The following STXBP6 variants were observed in gnomAD, a reference collection of about 807,000 sequenced individuals.
STXBP6 encodes syntaxin binding protein 6, also known as syntaxin-binding protein 6.
STXBP6 carries 21 observed loss-of-function variants against 26.9 expected under a neutral mutation model. The ratio of observed to expected loss-of-function variants is 0.78; its 90% CI spans 0.55 to 1.12. The LOEUF is 1.12. STXBP6 is among the 50% of genes most tolerant of loss of function. STXBP6 has a pLI of 0.00. For missense variants in STXBP6, 232 were observed against 257.9 expected (o/e 0.90, Z 0.69); for synonymous variants, 97 against 92.6 (o/e 1.05, Z -0.27).
chr14:25,013,502 A>ACACC (rs993601171), intron 1 of STXBP6, among the ~76,000 whole-genome samples: 22 of 149,924 alleles, frequency 1.5e-4, no homozygotes, highest in African/African-American at 3.0e-4. Context: ...ACACACACAC[A>ACACC]CCCCTAAAGG....
intron 2 of STXBP6, among the ~76,000 whole-genome samples, chr14:24,955,688 G>A (rs540061798): frequency 6.6e-6 from 1 of 152,180 alleles, no homozygotes; most frequent in South Asian, 2.1e-4. Flanking sequence ...AGGGTATCTC[G>A]GTTGGCTAGG....
chr14:25,010,399 A>T (rs1212915536), intron 1 of STXBP6: 1 of 152,268 alleles, frequency 6.6e-6, no homozygotes, highest in Non-Finnish European at 1.5e-5. Context: ...TTCAATAAAC[A>T]AAACCTGAAT....
chr14:24,983,205 T>A (rs962391556), intron 1 of STXBP6, among the ~76,000 whole-genome samples: 1 of 152,130 alleles, frequency 6.6e-6, no homozygotes, highest in African/African-American at 2.4e-5. Flanking sequence ...TTGAACCACA[T>A]CAAAAGAGGA....
At chr14:24,891,503 A>G (rs1196773124) in intron 2 of STXBP6, among the ~76,000 whole-genome samples, 1 of 152,122 alleles carries the variant, frequency 6.6e-6, no homozygotes, top group Admixed American at 6.6e-5. Flanking sequence ...CCTGTTCCCC[A>G]TCCTGTAAAG....
chr14:24,960,425 C>T (rs1012383332), intron 2 of STXBP6, among the ~76,000 whole-genome samples: 2 of 152,140 alleles, frequency 1.3e-5, no homozygotes, highest in Admixed American at 6.5e-5. Flanking sequence ...TTTTAAATTA[C>T]ATACATGAAC....
chr14:24,855,513 T>C (rs1035508349), intron 4 of STXBP6, among the ~76,000 whole-genome samples: 1 of 152,074 alleles, frequency 6.6e-6, no homozygotes, highest in Admixed American at 6.6e-5. Flanking sequence ...AGGGGAAGCA[T>C]CTGTTGGAAT....
In STXBP6 at chr14:24,930,697, G is replaced by T. The variant is rs189440874; in HGVS notation, c.154+43968C>A. ...AAGTCTGTGTCTGGGTAATAGGAGA[G>T]ACTTTGGTTCTTTTATAAGAAAATC... On this transcript the variant is annotated intron_variant, in intron 2 of 5. Coordinates refer to ENST00000323944, the MANE Select transcript of STXBP6 (RefSeq NM_001394410.1). 2.5e-3 allele frequency among the ~76,000 whole-genome samples: 384 copies of T among 152,266 alleles called. 1 individual carries two copies. The highest frequency in any genetic ancestry group is 2.4e-3 in the Non-Finnish European group (162 of 68,028).
chr14:24,853,392 A>G (rs1185185472), intron 4 of STXBP6, among the ~76,000 whole-genome samples: 3 of 152,158 alleles, frequency 2.0e-5, no homozygotes, highest in African/African-American at 7.2e-5. Context: ...TGCTGCATTC[A>G]CTAAGGTTAT....
Position 24,986,113 on chromosome 14 carries a change from A to C in STXBP6, c.-32-11263T>G, listed in dbSNP as rs762445921. Among the ~76,000 whole-genome samples the C allele has an allele frequency of 1.4e-3, 220 of 152,324 alleles. 1 individual carries two copies. Among genetic ancestry groups the C allele is most frequent in the Non-Finnish European group, 2.2e-3 (149 of 68,024 alleles). ...AGAAAGAGAAAACATGATTAATCAC[A>C]GTGGGGACTCTTCTCAGATTAAATT... On this transcript the variant is annotated intron_variant, in intron 1 of 5. Coordinates refer to ENST00000323944, the MANE Select transcript of STXBP6 (RefSeq NM_001394410.1).
At chr14:24,947,600 T>C (rs1340677540) in intron 2 of STXBP6, among the ~76,000 whole-genome samples, 2 of 152,216 alleles carry the variant, frequency 1.3e-5, no homozygotes, top group African/African-American at 4.8e-5. Context: ...ACACAACTTC[T>C]ATGCTTAGAC....
At chr14:24,960,614 C>T (rs772334254) in intron 2 of STXBP6, among the ~76,000 whole-genome samples, 2 of 152,112 alleles carry the variant, frequency 1.3e-5, no homozygotes, top group African/African-American at 4.8e-5. Flanking sequence ...AGAACACTCC[C>T]GATGGGCACG....
intron 1 of STXBP6, among the ~76,000 whole-genome samples, chr14:24,992,854 A>G (rs549291355): frequency 6.6e-6 from 1 of 152,218 alleles, no homozygotes; most frequent in African/African-American, 2.4e-5. Flanking sequence ...TGATAACAGA[A>G]GCACAAACAA....
chr14:24,828,822 A>G (rs2068367176), intron 4 of STXBP6, among the ~76,000 whole-genome samples: 1 of 152,234 alleles, frequency 6.6e-6, no homozygotes, highest in Non-Finnish European at 1.5e-5. Flanking sequence ...TGTTCACAAT[A>G]ATGCTAATAT....
chr14:24,976,637 T>C (rs1046952820), intron 1 of STXBP6, among the ~76,000 whole-genome samples: 1 of 152,124 alleles, frequency 6.6e-6, no homozygotes, highest in Non-Finnish European at 1.5e-5. Flanking sequence ...ATTTACCCCA[T>C]GACTTTCCTA....
rs2067767187 is a variant in STXBP6 at position 24,809,693 on chromosome 14, G to T, written c.*3016C>A. 2.0e-5 allele frequency: 3 copies of T among 152,124 alleles called. No homozygotes were observed. Among genetic ancestry groups the T allele is most frequent in the Admixed American group, 2.0e-4 (3 of 15,274 alleles). 9.4% of individuals were successfully genotyped at this position (152,124 alleles called of 1,614,324 possible). A position where few individuals can be genotyped will look rare whatever the true frequency, so the allele number is the denominator to read the frequency against. On this transcript the variant is annotated 3_prime_UTR_variant, in exon 6 of 6. Coordinates refer to ENST00000323944, the MANE Select transcript of STXBP6 (RefSeq NM_001394410.1). Reference sequence around the variant, plus strand: ...TAAAATATTTAATGACAAAATTAGGGTTTGTTGTAATAGTGAATCAATAGA... The same window carrying T: ...TAAAATATTTAATGACAAAATTAGGTTTTGTTGTAATAGTGAATCAATAGA...
At chr14:24,846,850 T>G (rs2068981308) in intron 4 of STXBP6, among the ~76,000 whole-genome samples, 1 of 152,210 alleles carries the variant, frequency 6.6e-6, no homozygotes, top group Non-Finnish European at 1.5e-5. Context: ...AACCTTACTT[T>G]AATGATCAGA....
intron 2 of STXBP6, among the ~76,000 whole-genome samples, chr14:24,948,095 T>C (rs769607055): frequency 6.6e-6 from 1 of 152,146 alleles, no homozygotes; most frequent in Non-Finnish European, 1.5e-5. Context: ...TCCATGAAGA[T>C]GGGAGTGAGA....
At chr14:24,852,417 G>C (rs1406972304) in intron 4 of STXBP6, among the ~76,000 whole-genome samples, 2 of 152,086 alleles carry the variant, frequency 1.3e-5, no homozygotes, top group East Asian at 3.9e-4. Context: ...TGTGCTTCTT[G>C]GGTGGGCTTG....
rs1282542047 is a variant in STXBP6, at chr14:24,924,419, C to A, written c.154+50246G>T. Among the ~76,000 whole-genome samples, 4 of 152,170 alleles carry A rather than the reference C, an allele frequency of 2.6e-5. No individual in the cohort carries two copies. In the South Asian group the frequency reaches 8.3e-4, roughly 32 times the overall value. ...TCTCCATTACCTAAAAGACTCACTTCTAACCCAGTAATGCAATTTTCTTCA... is the reference window on the plus strand; with the variant it reads ...TCTCCATTACCTAAAAGACTCACTTATAACCCAGTAATGCAATTTTCTTCA... On this transcript the variant is annotated intron_variant, in intron 2 of 5. Transcript: ENST00000323944.
Sources: allele counts gnomAD v4.1 joint callset (sites outside exome capture counted in the v4.1 genomes callset), GRCh38; gene constraint gnomAD v4.1.1; transcripts MANE v1.5; gene names NCBI Gene and HGNC (gene_info 2026-07-23, HGNC 2026-07-21).